APP: variants seen among roughly 807,000 people sequenced by gnomAD.
APP encodes the protein amyloid-beta precursor protein.
APP carries 31 observed loss-of-function variants against 101.4 expected under a neutral mutation model. The ratio of observed to expected loss-of-function variants is 0.31; its 90% confidence interval spans 0.23 to 0.41. APP has a LOEUF of 0.41. Among genes scored for constraint, APP ranks in the 10% least tolerant of loss-of-function variants. The probability of loss-of-function intolerance (pLI) is 1.00; values close to 1 mark genes in which losing one functional copy is unlikely to be tolerated. For synonymous variants in APP, 366 were observed against 364.4 expected (o/e 1.00, Z -0.05); for missense variants, 839 against 1,003.7 (o/e 0.84, Z 2.22).
intron 2 of APP, among the ~76,000 whole-genome samples, chr21:26,091,005 A>G (rs2061811013): frequency 6.6e-6 from 1 of 152,252 alleles, no homozygotes; most frequent in African/African-American, 2.4e-5. Context: ...ATTAAATCAC[A>G]TTTGTGAAAT....
chr21:25,974,161 T>C (rs1463537308), intron 11 of APP, among the ~76,000 whole-genome samples: 1 of 152,128 alleles, frequency 6.6e-6, no homozygotes, highest in African/African-American at 2.4e-5. Flanking sequence ...CCACAGAGAA[T>C]ATGGCCACTG....
At chr21:26,055,072 A>T (rs1202908638) in intron 3 of APP, among the ~76,000 whole-genome samples, 2 of 152,170 alleles carry the variant, frequency 1.3e-5, no homozygotes, top group African/African-American at 4.8e-5. Context: ...TCATTCCTTA[A>T]ATCTTTAAAA....
At chr21:26,162,264 G>A (rs755486214) in intron 1 of APP, among the ~76,000 whole-genome samples, 95 of 152,188 alleles carry the variant, frequency 6.2e-4, no homozygotes, top group Admixed American at 1.2e-3. Context: ...AGGAGGCCAC[G>A]GCTACAGATC....
chr21:26,166,465 TTC>T (rs1406470939), intron 1 of APP, among the ~76,000 whole-genome samples: 4 of 152,198 alleles, frequency 2.6e-5, no homozygotes, highest in African/African-American at 7.2e-5. Flanking sequence ...ATTTTTTTAT[TTC>T]TGTTTTCTTC....
chr21:26,046,361 G>T (rs924669962), intron 5 of APP, among the ~76,000 whole-genome samples: 25 of 148,538 alleles, frequency 1.7e-4, no homozygotes, highest in Admixed American at 1.4e-4. Context: ...AGTGAGCCAA[G>T]ATCACACCAC....
intron 15 of APP, among the ~76,000 whole-genome samples, chr21:25,898,542 G>A (rs1018545347): frequency 1.3e-5 from 2 of 152,142 alleles, no homozygotes; most frequent in Non-Finnish European, 2.9e-5. Context: ...CTTCTCTACC[G>A]TGTTCCCACC....
intron 13 of APP, among the ~76,000 whole-genome samples, chr21:25,943,826 G>A (rs1457377857): frequency 2.0e-5 from 3 of 152,238 alleles, no homozygotes; most frequent in East Asian, 3.9e-4. Context: ...ATATCTCAGT[G>A]GTGATGATAA....
chr21:26,047,749 C>T (rs770946986), intron 5 of APP, among the ~76,000 whole-genome samples: 4 of 152,132 alleles, frequency 2.6e-5, no homozygotes, highest in Non-Finnish European at 4.4e-5. Flanking sequence ...TTCAAGTCAT[C>T]CAGGAACTAC....
At chr21:25,956,486 T>C (rs2041326676) in intron 11 of APP, among the ~76,000 whole-genome samples, 4 of 152,220 alleles carry the variant, frequency 2.6e-5, no homozygotes. Flanking sequence ...AAAGATTCCC[T>C]GGTCTTCAAC....
intron 11 of APP, among the ~76,000 whole-genome samples, 183 bp downstream of exon 11, chr21:25,974,887 G>T (rs2042167284): frequency 6.6e-6 from 1 of 152,160 alleles, no homozygotes; most frequent in Admixed American, 6.5e-5. Flanking sequence ...AGATGACCTT[G>T]TGGAGGTAGC....
intron 13 of APP, among the ~76,000 whole-genome samples, chr21:25,924,369 T>TA (rs1369012937): frequency 2.6e-4 from 3 of 11,506 alleles, no homozygotes; most frequent in Non-Finnish European, 6.1e-4. Context: ...CCCTAAAACT[T>TA]AAAGTATAAT....
intron 15 of APP, chr21:25,897,901 C>T: frequency 1.8e-6 from 1 of 558,442 alleles, no homozygotes; most frequent in South Asian, 2.1e-5. Context: ...AGTAAGGCTT[C>T]TGCTGCCTTT....
In APP at chr21:25,955,134, G is replaced by A. The variant is rs894567090; in HGVS notation, c.1588-445C>T. Among the ~76,000 whole-genome samples, 16 of 151,908 alleles carry A rather than the reference G, an allele frequency of 1.1e-4. No individual in the cohort carries two copies. The East Asian group carries it at 2.5e-3, about 24-fold the overall frequency. On this transcript the variant is annotated intron_variant, in intron 12 of 17. Coordinates refer to ENST00000346798, the MANE Select transcript of APP (RefSeq NM_000484.4). ...ATTTCAATTTGATTGGCTATTTCAT[G>A]CTATATATATTTAACTCTTTCATTC...
At chr21:25,982,520 C>G in intron 8 of APP, 43 bp from the exon 9 acceptor site, 1 of 1,600,102 alleles carries the variant, frequency 6.2e-7, no homozygotes. Flanking sequence ...AAAAAGCCAA[C>G]AACAACAGAA....
intron 11 of APP, among the ~76,000 whole-genome samples, chr21:25,960,404 T>C (rs533813711): frequency 2.6e-5 from 4 of 152,270 alleles, no homozygotes; most frequent in Admixed American, 6.5e-5. Flanking sequence ...CCAGTAAAAC[T>C]TGTTAATCCT....
chr21:25,970,360 A>T (rs1488195457), intron 11 of APP, among the ~76,000 whole-genome samples: 1 of 152,174 alleles, frequency 6.6e-6, no homozygotes, highest in African/African-American at 2.4e-5. Context: ...GCTTATTTTT[A>T]GTCCCATCAA....
chr21:26,070,062 C>T (rs2046612895), intron 3 of APP, among the ~76,000 whole-genome samples: 1 of 152,208 alleles, frequency 6.6e-6, no homozygotes, highest in Non-Finnish European at 1.5e-5. Context: ...GTACTAGCAA[C>T]ACCACCTAGG....
At chr21:25,945,450 T>C (rs1031163950) in intron 13 of APP, 1 of 125,890 alleles carries the variant, frequency 7.9e-6, no homozygotes, top group African/African-American at 2.9e-5. Context: ...TTAAAATTCA[T>C]GTTGTAATGC....
chr21:25,939,097 A>G (rs982238567), intron 13 of APP, among the ~76,000 whole-genome samples: 1 of 152,208 alleles, frequency 6.6e-6, no homozygotes, highest in African/African-American at 2.4e-5. Context: ...GACCATTTTT[A>G]GCACTTTCAC....
Sources: gnomAD v4.1 joint callset for allele counts (sites outside exome capture counted in the v4.1 genomes callset) on GRCh38, gnomAD v4.1.1 for gene constraint, MANE v1.5 for transcripts, NCBI Gene and HGNC (gene_info 2026-07-23, HGNC 2026-07-21) for gene names.